Variants in ZC3HC1 observed in about 807,000 individuals in gnomAD.
ZC3HC1 encodes zinc finger C3HC-type containing 1, also known as zinc finger C3HC-type protein 1.
Under a neutral mutation model 61.9 loss-of-function variants are expected in ZC3HC1, and 38 were observed. The observed-to-expected ratio is 0.61, with a 90% confidence interval of 0.47 to 0.81. The LOEUF is 0.81. Ranked by LOEUF, ZC3HC1 falls within the 30% of genes least tolerant of loss-of-function variation. ZC3HC1 has a pLI of 0.00. For missense variants in ZC3HC1, 554 were observed against 622.7 expected (o/e 0.89, Z 1.17); for synonymous variants, 213 against 229.9 (o/e 0.93, Z 0.67).
rs1584571920 is a variant in ZC3HC1 at position 130,029,513 on chromosome 7, A to C, written c.494-484T>G. 2.0e-5 allele frequency among the ~76,000 whole-genome samples: 3 copies of C among 152,334 alleles called. No homozygotes were observed. The South Asian group carries it at 6.2e-4, about 32-fold the overall frequency. On this transcript the variant is annotated intron_variant, in intron 4 of 9. Transcript: ENST00000358303. ...ATGGGGCTGTAATGATACTACTGAG[A>C]CCATGTTTAAAAAGTAGAATCCATA...
At chr7:130,031,666 C>T (rs1315799355) in intron 4 of ZC3HC1, among the ~76,000 whole-genome samples, 1 of 152,178 alleles carries the variant, frequency 6.6e-6, no homozygotes. Flanking sequence ...AAGGCTCTGA[C>T]ATATTCCCTG....
intron 2 of ZC3HC1, among the ~76,000 whole-genome samples, chr7:130,047,112 G>A (rs890155765): frequency 6.6e-6 from 1 of 152,180 alleles, no homozygotes; most frequent in African/African-American, 2.4e-5. Context: ...ACAAGCATGT[G>A]CCACCATGCC....
chr7:130,048,988 A>G, intron 2 of ZC3HC1, 45 bp downstream of exon 2: 3 of 1,471,336 alleles, frequency 2.0e-6, no homozygotes, highest in Non-Finnish European at 2.8e-6. Context: ...GAGGAATTCT[A>G]GAAGCAGGCA....
chr7:130,036,811 G>A (rs1231135220), intron 4 of ZC3HC1: 3 of 152,170 alleles, frequency 2.0e-5, no homozygotes, highest in Non-Finnish European at 2.9e-5. Flanking sequence ...AGAATGGATA[G>A]GTCAAAGTGG....
chr7:130,023,564 A>G lies in ZC3HC1; in HGVS notation c.1180T>C (p.Ser394Pro), dbSNP rs1563074019. ...TGDTPGLEVP[S>P]SPLRKAKRAR... is the part of the protein sequence containing the mutation. Reference sequence around the variant, plus strand: ...CGCTTGGCTTTCCGCAGAGGGCTAGATGGTACCTCCAGGCCAGGGGTGTCT... The same window carrying G: ...CGCTTGGCTTTCCGCAGAGGGCTAGGTGGTACCTCCAGGCCAGGGGTGTCT... Residue 394 changes from serine to proline, a missense_variant, in exon 8 of 10, where the codon TCT becomes CCT. Coordinates refer to ENST00000358303, the MANE Select transcript of ZC3HC1 (RefSeq NM_016478.5). The surrounding 1 kb of genome is among the most constrained non-coding windows in gnomAD (Gnocchi z 4.2). 6.2e-7 allele frequency: 1 copy of G among 1,614,160 alleles called. No individual in the cohort carries two copies.
chr7:130,021,566 A>G (rs1189708467), intron 9 of ZC3HC1, among the ~76,000 whole-genome samples: 10 of 152,210 alleles, frequency 6.6e-5, no homozygotes, highest in African/African-American at 2.4e-4. Flanking sequence ...GGAACAGAGT[A>G]AAGTAATGTG....
chr7:130,021,800 T>C (rs756429329), intron 9 of ZC3HC1, among the ~76,000 whole-genome samples: 1 of 152,192 alleles, frequency 6.6e-6, no homozygotes, highest in African/African-American at 2.4e-5. Context: ...TATCAGAACT[T>C]GACGGAATGC....
intron 4 of ZC3HC1, among the ~76,000 whole-genome samples, chr7:130,032,673 G>A (rs1185590829): frequency 2.0e-5 from 1 of 50,678 alleles, no homozygotes; most frequent in African/African-American, 9.8e-5. Context: ...AGAAATGGAA[G>A]GAAGGAAGGA....
intron 9 of ZC3HC1, among the ~76,000 whole-genome samples, chr7:130,019,294 C>G: frequency 6.6e-6 from 1 of 152,194 alleles, no homozygotes; most frequent in East Asian, 1.9e-4. Context: ...CGTGATCCGC[C>G]TGCCTCGGCC....
intron 2 of ZC3HC1, among the ~76,000 whole-genome samples, chr7:130,041,624 G>A (rs945981882): frequency 7.9e-5 from 12 of 151,056 alleles, no homozygotes; most frequent in Non-Finnish European, 1.8e-4. Flanking sequence ...CACTTCCCGG[G>A]TTCAAGTGAT....
At chr7:130,042,421 C>A (rs1004873491) in intron 2 of ZC3HC1, among the ~76,000 whole-genome samples, 3 of 151,954 alleles carry the variant, frequency 2.0e-5, no homozygotes, top group African/African-American at 7.2e-5. Flanking sequence ...CTGGGATATG[C>A]CTAAACAATA....
chr7:130,051,218 C>G lies in ZC3HC1; in HGVS notation c.146+3G>C. 1 of 1,604,672 alleles carries G rather than the reference C, an allele frequency of 6.2e-7. No individual in the cohort carries two copies. The highest frequency in any genetic ancestry group is 8.5e-7 in the Non-Finnish European group (1 of 1,176,386). ...CGGACCCAGGGTTAACTCGTGAACT[C>G]ACGCGTCCACGCCTCCCTCTTCCGG... On this transcript the variant is annotated splice_donor_region_variant and intron_variant, in intron 1 of 9. Transcript: ENST00000358303.
chr7:130,023,775 G>A lies in ZC3HC1; in HGVS notation c.1021-52C>T. 1 of 1,394,210 alleles carries A rather than the reference G, an allele frequency of 7.2e-7. No homozygotes were observed. The highest frequency in any genetic ancestry group is 1.3e-5 in the South Asian group (1 of 79,066). 86.4% of individuals were successfully genotyped at this position (1,394,210 alleles called of 1,614,324 possible). A position where few individuals can be genotyped will look rare whatever the true frequency, so the allele number is the denominator to read the frequency against. On this transcript the variant is annotated intron_variant, in intron 7 of 9. Transcript: ENST00000358303. The surrounding 1 kb of genome is among the most constrained non-coding windows in gnomAD (Gnocchi z 4.2). ...TACACGAATGATATTAATGATTATG[G>A]TCAGAAATACTTCTTTCTTTAATCT...
intron 4 of ZC3HC1, among the ~76,000 whole-genome samples, chr7:130,030,541 G>A (rs148494070): frequency 0.016 from 2,381 of 151,816 alleles, 32 homozygotes; most frequent in Middle Eastern, 0.024. Flanking sequence ...GTTTTGGAAG[G>A]GATTCATAGG....
rs1275013048 is a variant in ZC3HC1 at position 130,023,805 on chromosome 7, T to C, written c.1021-82A>G. 1.0e-5 allele frequency: 13 copies of C among 1,268,010 alleles called. No homozygotes were observed. The highest frequency in any genetic ancestry group is 1.4e-5 in the Non-Finnish European group (13 of 927,838). The allele number at this position is 1,268,010 out of a possible 1,614,324, so 78.5% of individuals were successfully genotyped here. On this transcript the variant is annotated intron_variant, in intron 7 of 9. Transcript: ENST00000358303. This position sits in a 1 kb window ranked among gnomAD's most constrained non-coding sequence, Gnocchi z 4.2. ...AAATACTTCTTTCTTTAATCTTTTT[T>C]CTTTTTTTTTTTGAGACAGAGTCTC...
intron 1 of ZC3HC1, among the ~76,000 whole-genome samples, chr7:130,050,213 G>T (rs1016909136): frequency 6.6e-6 from 1 of 152,158 alleles, no homozygotes; most frequent in Admixed American, 6.6e-5. Flanking sequence ...GAGTAGCTGG[G>T]ACTACAGGCG....
intron 7 of ZC3HC1, among the ~76,000 whole-genome samples, 181 bp downstream of exon 7, chr7:130,024,082 G>C (rs1793773197): frequency 1.3e-5 from 2 of 152,218 alleles, no homozygotes; most frequent in South Asian, 4.1e-4. Flanking sequence ...TCATAGGCGT[G>C]AGCCACCGGG....
chr7:130,042,059 T>C (rs1376075251), intron 2 of ZC3HC1, among the ~76,000 whole-genome samples: 17 of 152,166 alleles, frequency 1.1e-4, no homozygotes, highest in South Asian at 4.2e-4. Context: ...TCTCAGCACA[T>C]TGGGAGGCTG....
rs1037258990 is a variant in ZC3HC1, at chr7:130,023,262, T to G, written c.1233+249A>C. 6.6e-6 allele frequency among the ~76,000 whole-genome samples: 1 copy of G among 152,190 alleles called. No homozygotes were observed. The highest frequency in any genetic ancestry group is 1.5e-5 in the Non-Finnish European group (1 of 68,038). On this transcript the variant is annotated intron_variant, in intron 8 of 9. Transcript: ENST00000358303. This position sits in a 1 kb window ranked among gnomAD's most constrained non-coding sequence, Gnocchi z 4.2. ...ACCGCTGCCAGATCAGGTTTGTCCC[T>G]GTATCACACCGTTGTTCCATTTGCC... is the stretch of plus-strand genomic sequence containing the variant.
Sources: gnomAD v4.1 joint callset for allele counts (sites outside exome capture counted in the v4.1 genomes callset) on GRCh38, gnomAD v4.1.1 for gene constraint, Gnocchi (gnomAD v3.1) non-coding constraint, MANE v1.5 for transcripts, NCBI Gene and HGNC (gene_info 2026-07-23, HGNC 2026-07-21) for gene names.